Variants in ARHGAP15 observed in about 807,000 individuals in gnomAD.
The protein encoded by ARHGAP15 is rho GTPase-activating protein 15.
In ARHGAP15, 51 loss-of-function variants were observed where a neutral mutation model predicts 63.7. The observed-to-expected ratio is 0.80, with a 90% CI of 0.64 to 1.01. The LOEUF (loss-of-function observed/expected upper bound fraction) is 1.01, where lower values mean the gene tolerates loss of function less well. ARHGAP15 is among the 50% of genes least tolerant of loss of function. The pLI is 0.00. For synonymous variants in ARHGAP15, 191 were observed against 193.8 expected (o/e 0.99, Z 0.12); for missense variants, 560 against 564.6 (o/e 0.99, Z 0.08).
At chr2:143,588,741 C>A (rs1697206220) in intron 11 of ARHGAP15, among the ~76,000 whole-genome samples, 2 of 152,056 alleles carry the variant, frequency 1.3e-5, no homozygotes, top group African/African-American at 2.4e-5. Flanking sequence ...CTGGGCATGC[C>A]CACCAGGAAT....
chr2:143,489,380 G>C (rs144933382), intron 9 of ARHGAP15, among the ~76,000 whole-genome samples: 2 of 152,150 alleles, frequency 1.3e-5, no homozygotes, highest in African/African-American at 2.4e-5. Context: ...CATTAGTAGG[G>C]CTATGGAAAA....
At chr2:143,658,089 G>A (rs1681551228) in intron 12 of ARHGAP15, among the ~76,000 whole-genome samples, 1 of 152,126 alleles carries the variant, frequency 6.6e-6, no homozygotes, top group Admixed American at 6.5e-5. Flanking sequence ...TTAGAGCACT[G>A]GATTCCTCTT....
chr2:143,383,727 TA>T (rs1316434325), intron 6 of ARHGAP15, among the ~76,000 whole-genome samples: 6 of 152,336 alleles, frequency 3.9e-5, no homozygotes, highest in Non-Finnish European at 7.3e-5. Flanking sequence ...ATTATGTGCC[TA>T]AAGTATTTTG....
At chr2:143,562,041 TAATC>T (rs936634665) in intron 11 of ARHGAP15, among the ~76,000 whole-genome samples, 7 of 152,222 alleles carry the variant, frequency 4.6e-5, no homozygotes, top group African/African-American at 1.7e-4. Flanking sequence ...ATTGGCATAA[TAATC>T]CAAATTAGAT....
chr2:143,130,899 T>C (rs1381088940), intron 1 of ARHGAP15, among the ~76,000 whole-genome samples: 2 of 152,182 alleles, frequency 1.3e-5, no homozygotes, highest in African/African-American at 2.4e-5. Context: ...AGAAGCTGTA[T>C]AATTCTGATA....
At chr2:143,608,667 T>C (rs1183058246) in intron 11 of ARHGAP15, 2 of 152,200 alleles carry the variant, frequency 1.3e-5, no homozygotes, top group African/African-American at 4.8e-5. Flanking sequence ...GTTTCTAAGA[T>C]GTATGTTTCA....
chr2:143,390,716 C>T (rs936893874), intron 6 of ARHGAP15, among the ~76,000 whole-genome samples: 2 of 133,264 alleles, frequency 1.5e-5, no homozygotes, highest in Admixed American at 1.7e-4. Context: ...CCAAGTACAC[C>T]CTTGGAAAAC....
At chr2:143,474,354 C>T (rs775877343) in intron 8 of ARHGAP15, among the ~76,000 whole-genome samples, 1 of 152,128 alleles carries the variant, frequency 6.6e-6, no homozygotes, top group African/African-American at 2.4e-5. Context: ...CATAATTATG[C>T]ATACAAATTT....
chr2:143,693,808 A>G (rs2105400000), intron 12 of ARHGAP15, among the ~76,000 whole-genome samples: 1 of 152,340 alleles, frequency 6.6e-6, no homozygotes, highest in Non-Finnish European at 1.5e-5. Context: ...AACAGTCTGA[A>G]AGAACTCACT....
intron 6 of ARHGAP15, among the ~76,000 whole-genome samples, chr2:143,330,111 A>AAAC (rs1558897737): frequency 2.3e-5 from 2 of 85,980 alleles, no homozygotes; most frequent in South Asian, 7.8e-4. Flanking sequence ...AAAAAAAAAA[A>AAAC]AAAAAAAAAA....
chr2:143,528,494 G>A (rs1034596693), intron 10 of ARHGAP15, among the ~76,000 whole-genome samples: 4 of 151,866 alleles, frequency 2.6e-5, no homozygotes, highest in African/African-American at 9.7e-5. Flanking sequence ...CAATACACAG[G>A]ATCTATCAAT....
At chr2:143,226,758 T>A (rs1693227665) in intron 4 of ARHGAP15, among the ~76,000 whole-genome samples, 1 of 152,230 alleles carries the variant, frequency 6.6e-6, no homozygotes, top group Non-Finnish European at 1.5e-5. Flanking sequence ...TGTATTTGGA[T>A]GTTGAAAAAT....
At chr2:143,257,112 G>A (rs772728886) in intron 6 of ARHGAP15, among the ~76,000 whole-genome samples, 13 of 152,006 alleles carry the variant, frequency 8.6e-5, no homozygotes, top group Non-Finnish European at 1.8e-4. Flanking sequence ...AAAACAACAC[G>A]AACTTTATGT....
intron 12 of ARHGAP15, among the ~76,000 whole-genome samples, chr2:143,641,731 G>T (rs1328952952): frequency 2.0e-5 from 3 of 152,126 alleles, no homozygotes; most frequent in African/African-American, 7.2e-5. Flanking sequence ...CAAAGTTCAT[G>T]ATGAGACAAG....
intron 2 of ARHGAP15, among the ~76,000 whole-genome samples, chr2:143,179,957 G>C (rs762390836): frequency 2.0e-5 from 3 of 151,886 alleles, no homozygotes; most frequent in Non-Finnish European, 4.4e-5. Flanking sequence ...ACAATCATCT[G>C]AGCCTTCAAA....
At chr2:143,457,581 T>A (rs1185172200) in intron 8 of ARHGAP15, among the ~76,000 whole-genome samples, 3 of 150,516 alleles carry the variant, frequency 2.0e-5, no homozygotes, top group Non-Finnish European at 3.0e-5. Context: ...TACATATTTA[T>A]ATTGTTGACT....
intron 13 of ARHGAP15, among the ~76,000 whole-genome samples, chr2:143,751,186 G>A (rs1170978228): frequency 1.3e-5 from 2 of 152,214 alleles, no homozygotes; most frequent in Non-Finnish European, 2.9e-5. Flanking sequence ...GCTACCCACA[G>A]AAGGTCTGGG....
intron 6 of ARHGAP15, among the ~76,000 whole-genome samples, chr2:143,251,724 A>AAAGG (rs1371945567): frequency 6.6e-6 from 1 of 152,066 alleles, no homozygotes; most frequent in African/African-American, 2.4e-5. Context: ...TAAAATTTAA[A>AAAGG]AAGGAAGGAA....
chr2:143,614,790 A>G (rs1330054552), intron 11 of ARHGAP15, among the ~76,000 whole-genome samples: 1 of 152,212 alleles, frequency 6.6e-6, no homozygotes, highest in Non-Finnish European at 1.5e-5. Context: ...TCAGGCTAGG[A>G]TTAGAAACAT....
Sources: allele counts gnomAD v4.1 joint callset (sites outside exome capture counted in the v4.1 genomes callset), GRCh38; gene constraint gnomAD v4.1.1; transcripts MANE v1.5; gene names NCBI Gene and HGNC (gene_info 2026-07-23, HGNC 2026-07-21).